Variants in CFAP221 observed in about 807,000 individuals in gnomAD.
CFAP221 encodes cilia- and flagella-associated protein 221.
Under a neutral mutation model 113.1 loss-of-function variants are expected in CFAP221, and 97 were observed. The ratio of observed to expected loss-of-function variants is 0.86; its 90% CI spans 0.73 to 1.02. The LOEUF (loss-of-function observed/expected upper bound fraction) is 1.02, where lower values mean the gene tolerates loss of function less well. CFAP221 is among the 50% of genes least tolerant of loss of function. CFAP221 has a pLI of 0.00. For synonymous variants in CFAP221, 331 were observed against 354.4 expected (o/e 0.93, Z 0.74); for missense variants, 1,025 against 1,013.4 (o/e 1.01, Z -0.16).
intron 19 of CFAP221, among the ~76,000 whole-genome samples, chr2:119,636,553 T>C (rs1368792507): frequency 6.6e-6 from 1 of 152,146 alleles, no homozygotes; most frequent in African/African-American, 2.4e-5. Context: ...TCTTGCATAG[T>C]AATGAGTCAG....
At chr2:119,623,007 G>A (rs7608347) in intron 14 of CFAP221, among the ~76,000 whole-genome samples, 149,645 of 152,284 alleles carry the variant, frequency 0.98, 73,593 homozygotes, top group Non-Finnish European at 1. Context: ...TAGCGTTGGA[G>A]GTTCTGGCCA....
intron 6 of CFAP221, among the ~76,000 whole-genome samples, chr2:119,579,946 C>T (rs781391323): frequency 1.3e-5 from 2 of 152,144 alleles, no homozygotes; most frequent in Non-Finnish European, 2.9e-5. Context: ...TGTGTGGCTG[C>T]GTGAGTCCAC....
intron 6 of CFAP221, chr2:119,572,583 T>C (rs1682142928): frequency 5.7e-6 from 4 of 701,254 alleles, no homozygotes; most frequent in Admixed American, 4.0e-5. Flanking sequence ...TAGTTGAAAC[T>C]TGGAGCAGGT....
chr2:119,601,487 T>C (rs879083297), intron 8 of CFAP221, 110 bp downstream of exon 8: 52 of 1,026,312 alleles, frequency 5.1e-5, no homozygotes, highest in South Asian at 2.2e-5. Context: ...CAAAAACTTA[T>C]TTAAAATGAT....
At chr2:119,585,311 G>A (rs946721030) in intron 6 of CFAP221, among the ~76,000 whole-genome samples, 2 of 152,130 alleles carry the variant, frequency 1.3e-5, no homozygotes, top group Non-Finnish European at 2.9e-5. Flanking sequence ...ATACAGGGTA[G>A]GGGTCACTTA....
chr2:119,608,562 G>A lies in CFAP221; in HGVS notation c.1194G>A (p.Glu398=). ...AACTTAAAAAAGAGCTTACTGAAGA[G>A]TGGCAAAAAGCATGTGCCAAATATA... The part of the protein sequence containing the change: ...SFKLKKELTE[E]WQKACAKYKL... Residue 398 remains glutamate, a synonymous_variant, in exon 12 of 24, where the codon GAG becomes GAA. Transcript: ENST00000413369. 6.2e-7 allele frequency: 1 copy of A among 1,613,214 alleles called. No homozygotes were observed. The highest frequency in any genetic ancestry group is 8.5e-7 in the Non-Finnish European group (1 of 1,179,584).
chr2:119,631,133 A>C, intron 19 of CFAP221: 11 of 1,101,358 alleles, frequency 1.0e-5, no homozygotes, highest in Non-Finnish European at 1.3e-5. Flanking sequence ...ATCTTTTCTA[A>C]ATATCTATAA....
intron 7 of CFAP221, among the ~76,000 whole-genome samples, chr2:119,600,526 AT>A (rs1419440824): frequency 6.6e-6 from 1 of 152,262 alleles, no homozygotes; most frequent in South Asian, 2.1e-4. Context: ...ACACAATCAA[AT>A]AATTATTGTA....
intron 6 of CFAP221, among the ~76,000 whole-genome samples, chr2:119,563,605 G>A (rs1183458217): frequency 6.6e-6 from 1 of 152,166 alleles, no homozygotes; most frequent in South Asian, 2.1e-4. Context: ...TTTAGGAGTG[G>A]AGGAGGACAT....
chr2:119,658,952 C>G (rs1308730623), downstream of CFAP221, among the ~76,000 whole-genome samples: 6 of 150,772 alleles, frequency 4.0e-5, no homozygotes, highest in East Asian at 1.2e-3. Flanking sequence ...GATCACACCA[C>G]TGCACTCCAG....
intron 7 of CFAP221, among the ~76,000 whole-genome samples, chr2:119,599,851 G>A (rs1179603872): frequency 6.6e-6 from 1 of 152,058 alleles, no homozygotes; most frequent in Non-Finnish European, 1.5e-5. Context: ...TCTAACTTTA[G>A]TGCCTAAAAC....
intron 6 of CFAP221, among the ~76,000 whole-genome samples, chr2:119,569,879 C>T (rs769140826): frequency 2.8e-4 from 43 of 152,194 alleles, no homozygotes; most frequent in Non-Finnish European, 6.0e-4. Flanking sequence ...TCTCTGCTTA[C>T]ACTTCCCATT....
At chr2:119,572,588 G>T in intron 6 of CFAP221, 1 of 700,900 alleles carries the variant, frequency 1.4e-6, no homozygotes, top group Non-Finnish European at 2.6e-6. Context: ...GAAACTTGGA[G>T]CAGGTCCAGT....
intron 14 of CFAP221, among the ~76,000 whole-genome samples, chr2:119,618,915 C>T (rs959877093): frequency 1.1e-4 from 17 of 152,164 alleles, no homozygotes; most frequent in Non-Finnish European, 1.9e-4. Context: ...GGGCGTCTGC[C>T]ATTACTGAGG....
At chr2:119,583,704 A>T (rs573649148) in intron 6 of CFAP221, among the ~76,000 whole-genome samples, 4 of 152,062 alleles carry the variant, frequency 2.6e-5, no homozygotes, top group African/African-American at 9.7e-5. Context: ...TTTAAATCTA[A>T]CCCCCAAGGT....
chr2:119,658,440 C>T (rs1274730441), downstream of CFAP221, among the ~76,000 whole-genome samples: 1 of 152,122 alleles, frequency 6.6e-6, no homozygotes, highest in African/African-American at 2.4e-5. Flanking sequence ...CCCACGTCAG[C>T]CCTGGAATCA....
intron 19 of CFAP221, among the ~76,000 whole-genome samples, chr2:119,632,969 T>A (rs1055839972): frequency 1.3e-5 from 2 of 151,984 alleles, no homozygotes; most frequent in Non-Finnish European, 2.9e-5. Flanking sequence ...TATAAAACAT[T>A]ACTGAGAGAA....
chr2:119,589,182 C>T (rs149860009), intron 7 of CFAP221, among the ~76,000 whole-genome samples: 342 of 152,086 alleles, frequency 2.2e-3, no homozygotes, highest in African/African-American at 7.6e-3. Flanking sequence ...CTCAGGTCAT[C>T]GTTGCTCCAC....
chr2:119,627,559 T>A, intron 15 of CFAP221, 94 bp from the exon 16 acceptor site: 2 of 1,196,236 alleles, frequency 1.7e-6, no homozygotes, highest in Non-Finnish European at 2.4e-6. Context: ...ACCCACCCAC[T>A]AATTGGTATA....
Sources: gnomAD v4.1 joint callset for allele counts (sites outside exome capture counted in the v4.1 genomes callset) on GRCh38, gnomAD v4.1.1 for gene constraint, MANE v1.5 for transcripts, NCBI Gene and HGNC (gene_info 2026-07-23, HGNC 2026-07-21) for gene names.